Variants in PAK1 observed in about 807,000 individuals in gnomAD.
PAK1 encodes the protein serine/threonine-protein kinase PAK 1.
In PAK1, 29 loss-of-function variants were observed where a neutral mutation model predicts 67.4. That is an observed-to-expected ratio of 0.43 (90% CI 0.32 to 0.59). The LOEUF is 0.59. Ranked by LOEUF, PAK1 falls within the 20% of genes least tolerant of loss-of-function variation. PAK1 has a pLI of 0.07. For missense variants in PAK1, 337 were observed against 670.7 expected, an observed-to-expected ratio of 0.50 and a Z score of 5.50; for synonymous variants, 223 against 237.4, an observed-to-expected ratio of 0.94 and a Z score of 0.56.
the PAK1 span, among the ~76,000 whole-genome samples, chr11:77,490,730 G>A: frequency 3.3e-5 from 5 of 152,246 alleles, no homozygotes; most frequent in African/African-American, 4.8e-5. Flanking sequence ...GATGGTTGCC[G>A]TGTCTGTGTA....
rs1565563013 is a variant in PAK1, at chr11:77,323,243, T to TGCC, written c.*30_*31insGGC. 6.2e-7 allele frequency: 1 copy of TGCC among 1,613,548 alleles called. No homozygotes were observed. The highest frequency in any genetic ancestry group is 1.7e-5 in the Admixed American group (1 of 59,960). On this transcript the variant is annotated 3_prime_UTR_variant, in exon 15 of 15. Transcript: ENST00000356341. ...AATGTGCATTTATCTCACAGAAGGC[T>TGCC]TGGCACAATGAGGCTGGGGTGAGTG... is the stretch of plus-strand genomic sequence containing the variant.
intron 1 of PAK1, among the ~76,000 whole-genome samples, chr11:77,461,993 C>T (rs1417331965): frequency 6.6e-6 from 1 of 152,154 alleles, no homozygotes; most frequent in Non-Finnish European, 1.5e-5. Flanking sequence ...GAAGAAAGAT[C>T]CAGAGTAGCA....
At chr11:77,384,346 A>G (rs1443996241) in intron 2 of PAK1, among the ~76,000 whole-genome samples, 1 of 152,210 alleles carries the variant, frequency 6.6e-6, no homozygotes, top group African/African-American at 2.4e-5. Context: ...CCCATATCCC[A>G]GGGATATAGT....
chr11:77,447,122 C>T (rs185239872), intron 1 of PAK1, among the ~76,000 whole-genome samples: 1 of 152,280 alleles, frequency 6.6e-6, no homozygotes, highest in Admixed American at 6.5e-5. Context: ...TATAACACAT[C>T]CGCTATTAGC....
chr11:77,462,435 G>A (rs1009708065), intron 1 of PAK1, among the ~76,000 whole-genome samples: 1 of 152,070 alleles, frequency 6.6e-6, no homozygotes, highest in East Asian at 1.9e-4. Flanking sequence ...ATTTAGCACA[G>A]TAAGGTTTCT....
intron 7 of PAK1, among the ~76,000 whole-genome samples, chr11:77,354,259 C>G (rs929874482): frequency 4.6e-5 from 7 of 152,230 alleles, no homozygotes; most frequent in East Asian, 3.9e-4. Flanking sequence ...ATACTTCCCC[C>G]CCAAGGTCAC....
At chr11:77,497,361 C>T in the PAK1 span, among the ~76,000 whole-genome samples, 1 of 152,182 alleles carries the variant, frequency 6.6e-6, no homozygotes, top group East Asian at 1.9e-4. Flanking sequence ...ATTTATAAAA[C>T]ACTTTCTTCT....
intron 1 of PAK1, among the ~76,000 whole-genome samples, chr11:77,452,676 C>T (rs1046145059): frequency 6.6e-6 from 1 of 152,040 alleles, no homozygotes; most frequent in Non-Finnish European, 1.5e-5. Context: ...ATGCTCAGCA[C>T]CAAAGAGTAG....
At chr11:77,512,819 C>T in the PAK1 span, among the ~76,000 whole-genome samples, 1 of 152,180 alleles carries the variant, frequency 6.6e-6, no homozygotes, top group Non-Finnish European at 1.5e-5. Context: ...CCAGGCCAGG[C>T]GTGGTGGCTC....
chr11:77,398,229 C>T (rs907163709), intron 1 of PAK1, among the ~76,000 whole-genome samples: 6 of 152,130 alleles, frequency 3.9e-5, no homozygotes, highest in African/African-American at 1.2e-4. Flanking sequence ...TTTTTGTACC[C>T]ATTAACCATC....
chr11:77,517,118 AG>A, the PAK1 span, among the ~76,000 whole-genome samples: 3 of 152,220 alleles, frequency 2.0e-5, no homozygotes, highest in African/African-American at 7.2e-5. Flanking sequence ...ATTAGAACCC[AG>A]GGCTCAAATA....
At chr11:77,410,730 T>C (rs926152202) in intron 1 of PAK1, among the ~76,000 whole-genome samples, 1 of 128,200 alleles carries the variant, frequency 7.8e-6, no homozygotes, top group Non-Finnish European at 1.7e-5. Flanking sequence ...GAGGAGGAAA[T>C]AGAAAGAAAA....
At chr11:77,365,572 C>T (rs1030644415) in intron 5 of PAK1, among the ~76,000 whole-genome samples, 1 of 152,110 alleles carries the variant, frequency 6.6e-6, no homozygotes, top group Non-Finnish European at 1.5e-5. Context: ...GTGGCTCATG[C>T]CTGTAATCCC....
intron 1 of PAK1, among the ~76,000 whole-genome samples, chr11:77,439,838 C>T (rs73494591): frequency 6.6e-6 from 1 of 152,136 alleles, no homozygotes; most frequent in African/African-American, 2.4e-5. Context: ...GGGAAAATTT[C>T]TCAGGAGAGT....
the PAK1 span, among the ~76,000 whole-genome samples, chr11:77,494,702 C>G: frequency 6.6e-6 from 1 of 151,592 alleles, no homozygotes; most frequent in Non-Finnish European, 1.5e-5. Flanking sequence ...CCATGGAAAA[C>G]TATAGAAAAT....
chr11:77,450,144 A>T (rs12280139), intron 1 of PAK1, among the ~76,000 whole-genome samples: 7,684 of 152,270 alleles, frequency 0.05, 703 homozygotes, highest in African/African-American at 0.18. Context: ...AGAATGTCTG[A>T]TCCACAGTAT....
the PAK1 span, among the ~76,000 whole-genome samples, chr11:77,484,474 G>T: frequency 2.0e-5 from 3 of 152,206 alleles, no homozygotes; most frequent in African/African-American, 7.2e-5. Context: ...ACAGAGACTG[G>T]AAAGATAGAA....
chr11:77,471,409 G>A (rs1003126021), intron 1 of PAK1, among the ~76,000 whole-genome samples: 14 of 152,170 alleles, frequency 9.2e-5, no homozygotes, highest in Admixed American at 9.2e-4. Flanking sequence ...TCAAGTAATT[G>A]CAACAGAGCG....
chr11:77,449,036 A>T (rs1357437849), intron 1 of PAK1, among the ~76,000 whole-genome samples: 1 of 152,220 alleles, frequency 6.6e-6, no homozygotes, highest in East Asian at 1.9e-4. Flanking sequence ...AGTGTTTGAA[A>T]TTTAAAAGAA....
Sources: allele counts gnomAD v4.1 joint callset (sites outside exome capture counted in the v4.1 genomes callset), GRCh38; gene constraint gnomAD v4.1.1; transcripts MANE v1.5; gene names NCBI Gene and HGNC (gene_info 2026-07-23, HGNC 2026-07-21).